The following NEDD4L variants were observed in gnomAD, a reference collection of about 807,000 sequenced individuals.
NEDD4L encodes E3 ubiquitin-protein ligase NEDD4-like.
In NEDD4L, 54 loss-of-function variants were observed where a neutral mutation model predicts 148.9. The ratio of observed to expected loss-of-function variants is 0.36; its 90% CI spans 0.29 to 0.45. The LOEUF is 0.45. Among genes scored for constraint, NEDD4L ranks in the 20% least tolerant of loss-of-function variants. The pLI, the probability that NEDD4L is intolerant of heterozygous loss-of-function variation, is 1.00. For synonymous variants in NEDD4L, 433 were observed against 440.7 expected (o/e 0.98, Z 0.22); for missense variants, 856 against 1,233.8 (o/e 0.69, Z 4.59).
chr18:58,369,236 A>G (rs538137796), intron 22 of NEDD4L, among the ~76,000 whole-genome samples: 26 of 152,250 alleles, frequency 1.7e-4, no homozygotes, highest in Non-Finnish European at 3.1e-4. Flanking sequence ...GTCATTTCAG[A>G]TGAGTGAGGA....
chr18:58,362,810 A>G (rs533060652), intron 19 of NEDD4L, among the ~76,000 whole-genome samples: 1 of 152,342 alleles, frequency 6.6e-6, no homozygotes, highest in African/African-American at 2.4e-5. Context: ...TTGTGACGGG[A>G]TGTACTGTTG....
chr18:58,301,541 A>G (rs1453552089), intron 5 of NEDD4L, among the ~76,000 whole-genome samples: 1 of 152,188 alleles, frequency 6.6e-6, no homozygotes, highest in African/African-American at 2.4e-5. Context: ...AGTTTTGTGC[A>G]TATCTTCATG....
intron 1 of NEDD4L, chr18:58,149,588 G>C (rs958319365): frequency 5.4e-6 from 8 of 1,471,680 alleles, no homozygotes; most frequent in Non-Finnish European, 7.4e-6. Flanking sequence ...TTGCTTGGTG[G>C]GGGAGGAGGT....
rs547115836 is a variant in NEDD4L at position 58,152,981 on chromosome 18, G to A, written c.49-12807G>A. Among the ~76,000 whole-genome samples the A allele has an allele frequency of 2.6e-5, 4 of 152,286 alleles. No homozygotes were observed. In the South Asian group the frequency reaches 8.3e-4, roughly 32 times the overall value. On this transcript the variant is annotated intron_variant, in intron 1 of 30. Coordinates refer to ENST00000400345, the MANE Select transcript of NEDD4L (RefSeq NM_001144967.3). ...GACGGTTGACAGCCACCTATGGGGT[G>A]GCTGATGCCTTTTCTGTGTCTTCAG... is the stretch of plus-strand genomic sequence containing the variant.
At chr18:58,149,458 C>A in intron 1 of NEDD4L, 1 of 1,543,098 alleles carries the variant, frequency 6.5e-7, no homozygotes, top group Admixed American at 2.0e-5. Flanking sequence ...CTTCCGCATA[C>A]TCTTCAGAAC....
intron 2 of NEDD4L, among the ~76,000 whole-genome samples, chr18:58,238,718 A>G (rs1488236283): frequency 6.6e-6 from 1 of 152,190 alleles, no homozygotes; most frequent in Non-Finnish European, 1.5e-5. Flanking sequence ...AATCCTTAGA[A>G]ATAAATTTGA....
intron 16 of NEDD4L, among the ~76,000 whole-genome samples, chr18:58,346,111 G>C (rs2043028153): frequency 6.6e-6 from 1 of 152,148 alleles, no homozygotes; most frequent in Non-Finnish European, 1.5e-5. Flanking sequence ...TTCCCCGCCT[G>C]GGTCAGGCCT....
At chr18:58,319,815 T>C (rs2058616565) in intron 6 of NEDD4L, among the ~76,000 whole-genome samples, 1 of 152,226 alleles carries the variant, frequency 6.6e-6, no homozygotes, top group Non-Finnish European at 1.5e-5. Flanking sequence ...TGACAAATGA[T>C]ATGAACGTGT....
chr18:58,142,308 A>G (rs1373243193), intron 1 of NEDD4L, among the ~76,000 whole-genome samples: 1 of 149,060 alleles, frequency 6.7e-6, no homozygotes, highest in Non-Finnish European at 1.5e-5. Context: ...TCGACCTCCC[A>G]AAGTGCTGGG....
At chr18:58,268,112 C>T (rs185208623) in intron 5 of NEDD4L, among the ~76,000 whole-genome samples, 1 of 152,150 alleles carries the variant, frequency 6.6e-6, no homozygotes, top group East Asian at 1.9e-4. Context: ...ATTACCCCAA[C>T]CCCCCAATGG....
chr18:58,143,788 G>A (rs779288350), intron 1 of NEDD4L, among the ~76,000 whole-genome samples: 48 of 152,164 alleles, frequency 3.2e-4, no homozygotes, highest in Non-Finnish European at 5.3e-4. Flanking sequence ...CACAGCTGTC[G>A]AAGGAAGGGA....
At position 58,245,276 on chromosome 18, in the gene NEDD4L, TTAG is replaced by T; in HGVS notation, c.123-147_123-145del. ...GGAACTTTACTCCAAGTGTATTGAC[TTAG>T]TAGATATGTTAAAAAGGTTATTGCT... On this transcript the variant is annotated intron_variant, in intron 2 of 30. Coordinates refer to ENST00000400345, the MANE Select transcript of NEDD4L (RefSeq NM_001144967.3). The T allele has an allele frequency of 1.1e-5, 5 of 474,904 alleles. No homozygotes were observed. In the South Asian group the frequency reaches 1.7e-4, roughly 16 times the overall value. The allele number at this position is 474,904 out of a possible 1,614,324, so 29.4% of individuals were successfully genotyped here. A position where few individuals can be genotyped will look rare whatever the true frequency, so the allele number is the denominator to read the frequency against.
chr18:58,229,159 A>G (rs1011846095), intron 2 of NEDD4L, among the ~76,000 whole-genome samples: 1 of 152,110 alleles, frequency 6.6e-6, no homozygotes, highest in Non-Finnish European at 1.5e-5. Flanking sequence ...GAACTTTTTC[A>G]GAATTATGGA....
intron 1 of NEDD4L, among the ~76,000 whole-genome samples, chr18:58,071,719 A>C (rs1264984407): frequency 2.6e-5 from 4 of 152,216 alleles, no homozygotes; most frequent in African/African-American, 9.6e-5. Flanking sequence ...GGTTTAATTG[A>C]CTTACAGTTC....
intron 5 of NEDD4L, among the ~76,000 whole-genome samples, chr18:58,273,820 A>G (rs1026744429): frequency 2.6e-5 from 4 of 152,228 alleles, no homozygotes; most frequent in Non-Finnish European, 4.4e-5. Context: ...TTTTAAGTCC[A>G]TCTTTAAAAC....
At chr18:58,306,813 T>C (rs778856559) in intron 5 of NEDD4L, among the ~76,000 whole-genome samples, 9 of 152,102 alleles carry the variant, frequency 5.9e-5, no homozygotes, top group Non-Finnish European at 1.0e-4. Flanking sequence ...TTTAGTACTT[T>C]AGTACAGACC....
chr18:58,162,557 T>A (rs193109518), intron 1 of NEDD4L, among the ~76,000 whole-genome samples: 1 of 151,390 alleles, frequency 6.6e-6, no homozygotes, highest in East Asian at 1.9e-4. Context: ...ATATTGTCTT[T>A]GGAGCACTTG....
At chr18:58,308,945 G>A (rs776303661) in intron 5 of NEDD4L, among the ~76,000 whole-genome samples, 28 of 152,222 alleles carry the variant, frequency 1.8e-4, no homozygotes, top group Non-Finnish European at 3.2e-4. Context: ...CGCACCTTCC[G>A]TGTCCTGAGT....
chr18:58,344,678 T>G (rs760857798), intron 16 of NEDD4L, among the ~76,000 whole-genome samples: 2 of 152,122 alleles, frequency 1.3e-5, no homozygotes, highest in Non-Finnish European at 2.9e-5. Context: ...AAGCCAAGAG[T>G]AAGAGACGGG....
Sources: gnomAD v4.1 joint callset for allele counts (sites outside exome capture counted in the v4.1 genomes callset) on GRCh38, gnomAD v4.1.1 for gene constraint, MANE v1.5 for transcripts, NCBI Gene and HGNC (gene_info 2026-07-23, HGNC 2026-07-21) for gene names.